Variants in PDILT observed in about 807,000 individuals in gnomAD.
The protein encoded by PDILT is protein disulfide isomerase like, testis expressed.
In PDILT, 43 loss-of-function variants were observed where a neutral mutation model predicts 53.7. That is an observed-to-expected ratio of 0.80 (90% CI 0.63 to 1.03). PDILT has a LOEUF of 1.03. Among genes scored for constraint, PDILT ranks in the 50% least tolerant of loss-of-function variants. The probability of loss-of-function intolerance (pLI) is 0.00; values close to 1 mark genes in which losing one functional copy is unlikely to be tolerated. For missense variants in PDILT, 727 were observed against 712.3 expected (o/e 1.02, Z -0.24); for synonymous variants, 282 against 274.2 (o/e 1.03, Z -0.28).
intron 11 of PDILT, among the ~76,000 whole-genome samples, chr16:20,359,887 G>A (rs1966071995): frequency 6.6e-6 from 1 of 152,212 alleles, no homozygotes; most frequent in East Asian, 1.9e-4. Flanking sequence ...TAGCTAATGA[G>A]ATCTCTGTCC....
At chr16:20,380,014 A>T (rs72776680) in intron 3 of PDILT, among the ~76,000 whole-genome samples, 4,954 of 152,354 alleles carry the variant, frequency 0.033, 124 homozygotes, top group Non-Finnish European at 0.054. Context: ...ATTGTAAGTG[A>T]TCCAAAAGGA....
At chr16:20,386,768 G>A (rs1955866967) in intron 2 of PDILT, among the ~76,000 whole-genome samples, 3 of 152,232 alleles carry the variant, frequency 2.0e-5, no homozygotes, top group Admixed American at 2.0e-4. Flanking sequence ...TGGCTGCTCT[G>A]GTCCATGGGG....
intron 3 of PDILT, among the ~76,000 whole-genome samples, chr16:20,379,019 ATT>A (rs35577097): frequency 1.3e-4 from 19 of 147,026 alleles, no homozygotes; most frequent in African/African-American, 3.5e-4. Context: ...ATTTTAGGGC[ATT>A]TTTTTTTTTT....
At position 20,359,302 on chromosome 16, in the gene PDILT, T is replaced by C; in HGVS notation, c.*17A>G. 6.2e-7 allele frequency: 1 copy of C among 1,606,702 alleles called. No homozygotes were observed. The highest frequency in any genetic ancestry group is 1.7e-5 in the Admixed American group (1 of 58,564). On this transcript the variant is annotated 3_prime_UTR_variant, in exon 12 of 12. Coordinates refer to ENST00000302451, the MANE Select transcript of PDILT (RefSeq NM_174924.2). ...GGATCTGGAAAATAAGCATCTTTTTTCCTGGTATTGGAGAAGCTAAAGTTC... is the reference window on the plus strand; with the variant it reads ...GGATCTGGAAAATAAGCATCTTTTTCCCTGGTATTGGAGAAGCTAAAGTTC...
chr16:20,397,418 C>T (rs1407191624), intron 2 of PDILT, among the ~76,000 whole-genome samples: 2 of 152,166 alleles, frequency 1.3e-5, no homozygotes, highest in African/African-American at 4.8e-5. Context: ...GCCAGGGTTA[C>T]AGGCATGAGC....
At position 20,359,178 on chromosome 16, in the gene PDILT, A is replaced by C. The variant is rs1240488582; in HGVS notation, c.*141T>G. 1.5e-5 allele frequency: 20 copies of C among 1,350,172 alleles called. No homozygotes were observed. Among genetic ancestry groups the C allele is most frequent in the Non-Finnish European group, 2.0e-5 (20 of 997,132 alleles). The allele number at this position is 1,350,172 out of a possible 1,614,324, so 83.6% of individuals were successfully genotyped here. A position where few individuals can be genotyped will look rare whatever the true frequency, so the allele number is the denominator to read the frequency against. ...TCATGAGTAAAACAGAGCCAAGGAC[A>C]CTCAGAGGCTTTATTATCCACCCCT... On this transcript the variant is annotated 3_prime_UTR_variant, in exon 12 of 12. Coordinates refer to ENST00000302451, the MANE Select transcript of PDILT (RefSeq NM_174924.2).
At position 20,359,301 on chromosome 16, in the gene PDILT, T is replaced by C; in HGVS notation, c.*18A>G. On this transcript the variant is annotated 3_prime_UTR_variant, in exon 12 of 12. Transcript: ENST00000302451. Reference sequence around the variant, plus strand: ...AGGATCTGGAAAATAAGCATCTTTTTTCCTGGTATTGGAGAAGCTAAAGTT... The same window carrying C: ...AGGATCTGGAAAATAAGCATCTTTTCTCCTGGTATTGGAGAAGCTAAAGTT... 1 of 1,606,590 alleles carries C rather than the reference T, an allele frequency of 6.2e-7. No individual in the cohort carries two copies. Among genetic ancestry groups the C allele is most frequent in the Non-Finnish European group, 8.5e-7 (1 of 1,177,098 alleles).
At chr16:20,397,167 G>T (rs1006134854) in intron 2 of PDILT, among the ~76,000 whole-genome samples, 2 of 152,110 alleles carry the variant, frequency 1.3e-5, no homozygotes, top group African/African-American at 4.8e-5. Flanking sequence ...ACAGGTTCTC[G>T]CTCTGTCAGC....
At position 20,368,861 on chromosome 16, in the gene PDILT, G is replaced by A. The variant is rs7185517; in HGVS notation, c.1116+631C>T. Among the ~76,000 whole-genome samples the A allele has an allele frequency of 7.6e-3, 1,162 of 152,192 alleles. 12 individuals carry two copies. The highest frequency in any genetic ancestry group is 0.026 in the African/African-American group (1,090 of 41,522). ...AACTTTGCAAAGTGCTGGGATTACA[G>A]GCATGAACCACCGCACCTGGCCCAT... is the stretch of plus-strand genomic sequence containing the variant. On this transcript the variant is annotated intron_variant, in intron 8 of 11. Coordinates refer to ENST00000302451, the MANE Select transcript of PDILT (RefSeq NM_174924.2).
chr16:20,359,651 G>A, intron 11 of PDILT, 84 bp from the exon 12 acceptor site: 1 of 1,379,808 alleles, frequency 7.2e-7, no homozygotes, highest in Admixed American at 1.9e-5. Context: ...TGTCATCATT[G>A]TGGTTGTAAT....
chr16:20,386,618 C>A (rs1187383950), intron 2 of PDILT, among the ~76,000 whole-genome samples: 1 of 152,232 alleles, frequency 6.6e-6, no homozygotes, highest in Non-Finnish European at 1.5e-5. Context: ...ATTAAACTCC[C>A]GGTCAATGGA....
intron 9 of PDILT, among the ~76,000 whole-genome samples, chr16:20,363,439 C>T (rs1966136805): frequency 6.6e-6 from 1 of 150,794 alleles, no homozygotes; most frequent in South Asian, 2.1e-4. Context: ...CTTTAATGTT[C>T]TTCCAAAAAG....
intron 11 of PDILT, among the ~76,000 whole-genome samples, chr16:20,359,888 A>C (rs1966072075): frequency 2.0e-5 from 3 of 152,272 alleles, no homozygotes; most frequent in African/African-American, 7.2e-5. Flanking sequence ...AGCTAATGAG[A>C]TCTCTGTCCA....
intron 2 of PDILT, among the ~76,000 whole-genome samples, chr16:20,395,048 T>C (rs1211352434): frequency 6.6e-6 from 1 of 152,246 alleles, no homozygotes; most frequent in Non-Finnish European, 1.5e-5. Flanking sequence ...AATACATATA[T>C]AATTTATTTC....
intron 3 of PDILT, among the ~76,000 whole-genome samples, chr16:20,377,805 T>G (rs1287709933): frequency 6.6e-6 from 1 of 151,892 alleles, no homozygotes; most frequent in Non-Finnish European, 1.5e-5. Context: ...ATACAAAAAA[T>G]TATCCAGGCA....
At chr16:20,393,970 C>T (rs1966634363) in intron 2 of PDILT, among the ~76,000 whole-genome samples, 1 of 152,198 alleles carries the variant, frequency 6.6e-6, no homozygotes, top group South Asian at 2.1e-4. Flanking sequence ...GCTGCCAGCT[C>T]ATGGGCTCAG....
intron 9 of PDILT, 93 bp from the exon 10 acceptor site, chr16:20,362,675 G>A (rs1966123987): frequency 3.2e-6 from 4 of 1,262,616 alleles, no homozygotes; most frequent in Non-Finnish European, 4.4e-6. Context: ...TTCCACTTGT[G>A]GTCCTGCTGT....
intron 2 of PDILT, among the ~76,000 whole-genome samples, chr16:20,388,141 A>C (rs1966564017): frequency 6.6e-6 from 1 of 152,158 alleles, no homozygotes; most frequent in Non-Finnish European, 1.5e-5. Flanking sequence ...ATTATGTAGG[A>C]TCTTCTATGG....
intron 2 of PDILT, among the ~76,000 whole-genome samples, chr16:20,395,619 C>T (rs74894075): frequency 2.6e-5 from 4 of 152,200 alleles, no homozygotes; most frequent in African/African-American, 7.2e-5. Context: ...TTGGTTAGTT[C>T]GACTTTCTTT....
Sources: allele counts gnomAD v4.1 joint callset (sites outside exome capture counted in the v4.1 genomes callset), GRCh38; gene constraint gnomAD v4.1.1; transcripts MANE v1.5; gene names NCBI Gene and HGNC (gene_info 2026-07-23, HGNC 2026-07-21).